The following TBC1D22A variants were observed in gnomAD, a reference collection of about 807,000 sequenced individuals.
The protein encoded by TBC1D22A is putative GTPase activator.
In TBC1D22A, 38 loss-of-function variants were observed where a neutral mutation model predicts 60.2. The observed-to-expected ratio is 0.63, with a 90% CI of 0.49 to 0.83. The LOEUF (loss-of-function observed/expected upper bound fraction) is 0.83, where lower values mean the gene tolerates loss of function less well. Ranked by LOEUF, TBC1D22A falls within the 40% of genes least tolerant of loss-of-function variation. TBC1D22A has a pLI of 0.00. For synonymous variants in TBC1D22A, 302 were observed against 281.7 expected (o/e 1.07, Z -0.72); for missense variants, 628 against 701.0 (o/e 0.90, Z 1.18).
chr22:47,034,040 A>T (rs990142607), intron 10 of TBC1D22A, among the ~76,000 whole-genome samples: 1 of 152,230 alleles, frequency 6.6e-6, no homozygotes, highest in South Asian at 2.1e-4. Flanking sequence ...GCCCCTCGGC[A>T]GCACCGTTTT....
intron 9 of TBC1D22A, among the ~76,000 whole-genome samples, chr22:46,982,430 G>T (rs760263391): frequency 6.6e-6 from 1 of 151,970 alleles, no homozygotes; most frequent in Admixed American, 6.5e-5. Flanking sequence ...CACCATGTTG[G>T]CCAGGATGGT....
intron 9 of TBC1D22A, among the ~76,000 whole-genome samples, chr22:46,976,574 T>G (rs1320332833): frequency 6.6e-6 from 1 of 152,194 alleles, no homozygotes; most frequent in Non-Finnish European, 1.5e-5. Context: ...CAGACCGGCG[T>G]GTCAGCTCCC....
intron 10 of TBC1D22A, among the ~76,000 whole-genome samples, chr22:47,016,008 C>T (rs1265588862): frequency 6.6e-6 from 1 of 152,168 alleles, no homozygotes; most frequent in Non-Finnish European, 1.5e-5. Context: ...CCACGTGCCC[C>T]CCTGGGATGG....
At chr22:47,045,788 T>C in intron 11 of TBC1D22A, among the ~76,000 whole-genome samples, 1 of 152,146 alleles carries the variant, frequency 6.6e-6, no homozygotes, top group East Asian at 1.9e-4. Flanking sequence ...AGTGGACCAG[T>C]TACTGCTGTT....
intron 8 of TBC1D22A, among the ~76,000 whole-genome samples, chr22:46,944,349 C>T (rs1437305073): frequency 6.6e-6 from 1 of 152,182 alleles, no homozygotes; most frequent in Non-Finnish European, 1.5e-5. Context: ...TGATTGGATT[C>T]ACTTAAAAAT....
At chr22:47,069,446 C>T (rs554960405) in intron 11 of TBC1D22A, among the ~76,000 whole-genome samples, 4 of 152,338 alleles carry the variant, frequency 2.6e-5, no homozygotes, top group East Asian at 1.9e-4. Context: ...TGTGTCCTCT[C>T]GGTGAGGCCT....
chr22:47,150,149 G>A lies in TBC1D22A; in HGVS notation c.1426-23349G>A, dbSNP rs571480763. On this transcript the variant is annotated intron_variant, in intron 12 of 12. Coordinates refer to ENST00000337137, the MANE Select transcript of TBC1D22A (RefSeq NM_014346.5). ...AGGAAAGGATAGCGAAGGGCCCCAC[G>A]CGGCACGGGGCACAGTCACTGGTGC... Among the ~76,000 whole-genome samples the A allele has an allele frequency of 2.6e-5, 4 of 152,242 alleles. No individual in the cohort carries two copies. In the East Asian group the frequency reaches 5.8e-4, roughly 22 times the overall value.
chr22:46,917,798 G>T (rs16995993), intron 8 of TBC1D22A, among the ~76,000 whole-genome samples: 1,680 of 152,218 alleles, frequency 0.011, 39 homozygotes, highest in African/African-American at 0.038. Context: ...ATGTGTCAGG[G>T]GTCTCCGAGC....
At chr22:46,882,989 A>G (rs2067926482) in intron 5 of TBC1D22A, among the ~76,000 whole-genome samples, 1 of 152,276 alleles carries the variant, frequency 6.6e-6, no homozygotes, top group Admixed American at 6.5e-5. Flanking sequence ...AGTCTAGAAC[A>G]TACCATTAAG....
At chr22:46,967,854 G>A (rs936768567) in intron 8 of TBC1D22A, among the ~76,000 whole-genome samples, 1 of 151,106 alleles carries the variant, frequency 6.6e-6, no homozygotes, top group African/African-American at 2.4e-5. Context: ...GTAATTACAA[G>A]CTATGATTCC....
intron 10 of TBC1D22A, among the ~76,000 whole-genome samples, chr22:47,029,066 C>G (rs1365567229): frequency 6.6e-6 from 1 of 152,172 alleles, no homozygotes; most frequent in Non-Finnish European, 1.5e-5. Flanking sequence ...TCATGGGACT[C>G]AAGAAAGCCA....
intron 10 of TBC1D22A, among the ~76,000 whole-genome samples, chr22:47,000,836 GAAA>G (rs55692041): frequency 1.4e-3 from 203 of 141,292 alleles, no homozygotes; most frequent in Non-Finnish European, 1.6e-3. Flanking sequence ...AAAGCAAAAA[GAAA>G]AAAAAAAAAG....
intron 12 of TBC1D22A, among the ~76,000 whole-genome samples, chr22:47,126,123 A>G (rs947812862): frequency 2.0e-5 from 3 of 152,146 alleles, no homozygotes; most frequent in African/African-American, 7.2e-5. Flanking sequence ...CTGGGACTAC[A>G]GGCACACGCT....
chr22:47,034,346 C>T (rs1048733352), intron 10 of TBC1D22A, among the ~76,000 whole-genome samples: 9 of 152,158 alleles, frequency 5.9e-5, no homozygotes, highest in Admixed American at 3.3e-4. Context: ...CCCTCTGAGG[C>T]GTTCCCAGTG....
intron 9 of TBC1D22A, among the ~76,000 whole-genome samples, chr22:46,993,910 C>A (rs780404247): frequency 6.6e-6 from 1 of 152,218 alleles, no homozygotes; most frequent in Non-Finnish European, 1.5e-5. Flanking sequence ...CCCAGACCGA[C>A]CCCCCTGTGT....
chr22:46,945,497 G>T (rs1280436520), intron 8 of TBC1D22A, among the ~76,000 whole-genome samples: 1 of 152,158 alleles, frequency 6.6e-6, no homozygotes, highest in Non-Finnish European at 1.5e-5. Context: ...CTTGATCAAG[G>T]TCTCAGAGCT....
chr22:46,812,858 CT>C (rs1201052660), intron 4 of TBC1D22A, among the ~76,000 whole-genome samples: 2 of 152,290 alleles, frequency 1.3e-5, no homozygotes, highest in African/African-American at 4.8e-5. Flanking sequence ...TAGCATTTAT[CT>C]TTTTTGCTTT....
intron 3 of TBC1D22A, among the ~76,000 whole-genome samples, chr22:46,794,164 C>T (rs569316811): frequency 2.6e-5 from 4 of 152,292 alleles, no homozygotes; most frequent in African/African-American, 4.8e-5. Flanking sequence ...GAGAGGGCCA[C>T]GGGGGAGCAA....
At position 47,088,079 on chromosome 22, in the gene TBC1D22A, A is replaced by AT. The variant is rs1340806999; in HGVS notation, c.1330-23429_1330-23428insT. On this transcript the variant is annotated intron_variant, in intron 11 of 12. Coordinates refer to ENST00000337137, the MANE Select transcript of TBC1D22A (RefSeq NM_014346.5). ...CAGAGCAAGACTCCATCTCAAATAA[A>AT]AAATAATAATAATAATAATAAATTT... Among the ~76,000 whole-genome samples, 13 of 54,146 alleles carry AT rather than the reference A, an allele frequency of 2.4e-4. No homozygotes were observed. In the East Asian group the frequency reaches 5.3e-3, roughly 22 times the overall value. 35.5% of individuals were successfully genotyped at this position (54,146 alleles called of 152,430 possible). A position where few individuals can be genotyped will look rare whatever the true frequency, so the allele number is the denominator to read the frequency against.
Sources: allele counts gnomAD v4.1 joint callset (sites outside exome capture counted in the v4.1 genomes callset), GRCh38; gene constraint gnomAD v4.1.1; transcripts MANE v1.5; gene names NCBI Gene and HGNC (gene_info 2026-07-23, HGNC 2026-07-21).